The following ANTXR2 variants were observed in gnomAD, a reference collection of about 807,000 sequenced individuals.
ANTXR2 encodes the protein anthrax toxin receptor 2.
In ANTXR2, 44 loss-of-function variants were observed where a neutral mutation model predicts 73.7. The observed-to-expected ratio is 0.60, with a 90% CI of 0.47 to 0.77. ANTXR2 has a LOEUF of 0.77. Ranked by LOEUF, ANTXR2 falls within the 30% of genes least tolerant of loss-of-function variation. The pLI, the probability that ANTXR2 is intolerant of heterozygous loss-of-function variation, is 0.00. For synonymous variants in ANTXR2, 217 were observed against 205.9 expected, an observed-to-expected ratio of 1.05 and a Z score of -0.46; for missense variants, 604 against 592.5, an observed-to-expected ratio of 1.02 and a Z score of -0.20.
intron 4 of ANTXR2, 38 bp downstream of exon 4, chr4:80,055,893 AG>A (rs1733972412): frequency 6.7e-6 from 9 of 1,350,082 alleles, no homozygotes; most frequent in Non-Finnish European, 9.1e-6. Context: ...AGAATAAGAA[AG>A]CATTCTCTCC....
At chr4:80,042,964 A>C (rs1733343332) in intron 7 of ANTXR2, among the ~76,000 whole-genome samples, 1 of 152,084 alleles carries the variant, frequency 6.6e-6, no homozygotes, top group South Asian at 2.1e-4. Flanking sequence ...TCCAGGAGGA[A>C]TCCGTCTAGG....
chr4:79,930,692 C>T (rs957211901), intron 16 of ANTXR2, among the ~76,000 whole-genome samples: 1 of 152,142 alleles, frequency 6.6e-6, no homozygotes, highest in Non-Finnish European at 1.5e-5. Flanking sequence ...CTCCCACTAA[C>T]GTGTAGTACC....
chr4:79,990,314 A>C (rs12503232), intron 12 of ANTXR2, among the ~76,000 whole-genome samples: 95,683 of 148,378 alleles, frequency 0.64, 33,500 homozygotes, highest in East Asian at 0.94. Context: ...GTGCAAAAAT[A>C]AGTAGCATAT....
chr4:79,978,179 A>C lies in ANTXR2; in HGVS notation c.1180-5T>G. 1 of 1,613,546 alleles carries C rather than the reference A, an allele frequency of 6.2e-7. No individual in the cohort carries two copies. The highest frequency in any genetic ancestry group is 8.5e-7 in the Non-Finnish European group (1 of 1,179,640). ...TCCTTTATCACCCCAACGAACCTGT[A>C]AAACAAAGGGAGAGTACTGTTATCA... On this transcript the variant is annotated splice_polypyrimidine_tract_variant and splice_region_variant and intron_variant, in intron 14 of 16. Transcript: ENST00000403729.
intron 8 of ANTXR2, among the ~76,000 whole-genome samples, chr4:80,035,271 A>G (rs1429480828): frequency 1.3e-5 from 2 of 152,158 alleles, no homozygotes; most frequent in African/African-American, 4.8e-5. Flanking sequence ...CTCCATATTC[A>G]TTCATTAGGG....
chr4:79,965,831 A>G (rs995832117), intron 16 of ANTXR2, among the ~76,000 whole-genome samples: 2 of 152,214 alleles, frequency 1.3e-5, no homozygotes, highest in African/African-American at 4.8e-5. Flanking sequence ...CAAATTTCCT[A>G]ATATTCCTAA....
Position 79,990,383 on chromosome 4 carries a change from C to CAAAAAAAAAAAAAAAA in ANTXR2, c.1042-5536_1042-5521dup, listed in dbSNP as rs70944757. Among the ~76,000 whole-genome samples, 17 of 76,916 alleles carry CAAAAAAAAAAAAAAAA rather than the reference C, an allele frequency of 2.2e-4. 1 individual carries two copies. The highest frequency in any genetic ancestry group is 3.2e-4 in the Non-Finnish European group (13 of 40,230). 50.5% of individuals were successfully genotyped at this position (76,916 alleles called of 152,430 possible). ...ATCAAGAATTCAATAACAACAGTTA[C>CAAAAAAAAAAAAAAAA]AAAAAAAAAAAAAAAAAAACACCTT... is the stretch of plus-strand genomic sequence containing the variant. On this transcript the variant is annotated intron_variant, in intron 12 of 16. Transcript: ENST00000403729.
chr4:79,976,423 A>G (rs887172054), intron 16 of ANTXR2, among the ~76,000 whole-genome samples: 6 of 149,548 alleles, frequency 4.0e-5, no homozygotes, highest in Non-Finnish European at 7.4e-5. Flanking sequence ...TTCCCATAAG[A>G]CACACTGACC....
At chr4:80,053,573 T>G (rs1048051293) in intron 7 of ANTXR2, among the ~76,000 whole-genome samples, 6 of 151,700 alleles carry the variant, frequency 4.0e-5, no homozygotes, top group African/African-American at 1.4e-4. Context: ...CACTTCCATT[T>G]TAGGATGGTG....
chr4:80,069,187 G>A (rs114896534), intron 3 of ANTXR2, among the ~76,000 whole-genome samples: 63 of 147,396 alleles, frequency 4.3e-4, no homozygotes, highest in African/African-American at 1.6e-3. Flanking sequence ...GTAGGAAGTG[G>A]TGAATATACA....
intron 16 of ANTXR2, among the ~76,000 whole-genome samples, chr4:79,916,112 C>T (rs952306455): frequency 3.3e-5 from 5 of 151,794 alleles, no homozygotes; most frequent in East Asian, 3.9e-4. Context: ...TGTCATGGCA[C>T]CTGCAAAATT....
chr4:80,067,232 G>T (rs1286234625), intron 3 of ANTXR2, among the ~76,000 whole-genome samples: 1 of 151,664 alleles, frequency 6.6e-6, no homozygotes, highest in African/African-American at 2.4e-5. Context: ...AAGAAAGAAA[G>T]GCCTCTTCTG....
intron 3 of ANTXR2, 144 bp from the exon 4 acceptor site, chr4:80,056,157 T>C (rs1359124252): frequency 6.0e-6 from 3 of 499,188 alleles, no homozygotes; most frequent in Non-Finnish European, 1.0e-5. Context: ...GGCAGATAAC[T>C]TCATATACTT....
chr4:80,025,865 T>C (rs914496577), intron 10 of ANTXR2, among the ~76,000 whole-genome samples: 1 of 152,214 alleles, frequency 6.6e-6, no homozygotes, highest in Non-Finnish European at 1.5e-5. Context: ...GTTAGCAAGA[T>C]GTCTACATTT....
chr4:79,958,709 G>C (rs1729029197), intron 16 of ANTXR2, among the ~76,000 whole-genome samples: 2 of 152,128 alleles, frequency 1.3e-5, no homozygotes, highest in South Asian at 2.1e-4. Context: ...TAATGGAAAA[G>C]GAACTAATCT....
chr4:79,955,897 A>G (rs889778507), intron 16 of ANTXR2, among the ~76,000 whole-genome samples: 3 of 152,086 alleles, frequency 2.0e-5, no homozygotes, highest in Admixed American at 1.3e-4. Context: ...CCCAGCTCCT[A>G]ATCTCTTGCA....
chr4:79,989,182 A>G (rs1351122170), intron 12 of ANTXR2, among the ~76,000 whole-genome samples: 1 of 151,974 alleles, frequency 6.6e-6, no homozygotes, highest in Non-Finnish European at 1.5e-5. Context: ...TGAAATCTGT[A>G]CAAAAGATCA....
In ANTXR2 at chr4:79,996,096, A is replaced by G. The variant is rs1312620604; in HGVS notation, c.1042-11233T>C. ...TAAGGAGAGGAAAGCTGTAACTTCA[A>G]TAACTTGCCCAAATATATACAAAGA... On this transcript the variant is annotated intron_variant, in intron 12 of 16. Coordinates refer to ENST00000403729, the MANE Select transcript of ANTXR2 (RefSeq NM_058172.6). Among the ~76,000 whole-genome samples the G allele has an allele frequency of 3.9e-5, 6 of 152,134 alleles. No individual in the cohort carries two copies. The East Asian group carries it at 5.8e-4, about 15-fold the overall frequency.
intron 3 of ANTXR2, among the ~76,000 whole-genome samples, chr4:80,063,711 T>C (rs1330225504): frequency 2.0e-5 from 3 of 152,166 alleles, no homozygotes; most frequent in Non-Finnish European, 4.4e-5. Context: ...ACTTAGTATA[T>C]CTCTTATATG....
Sources: allele counts gnomAD v4.1 joint callset (sites outside exome capture counted in the v4.1 genomes callset), GRCh38; gene constraint gnomAD v4.1.1; transcripts MANE v1.5; gene names NCBI Gene and HGNC (gene_info 2026-07-23, HGNC 2026-07-21).